The following MYO3B variants were observed in gnomAD, a reference collection of about 807,000 sequenced individuals.
MYO3B encodes myosin-IIIb.
MYO3B carries 156 observed loss-of-function variants against 174.6 expected under a neutral mutation model. The observed-to-expected ratio is 0.89, with a 90% CI of 0.78 to 1.02. The LOEUF is 1.02. Among genes scored for constraint, MYO3B ranks in the 50% least tolerant of loss-of-function variants. The pLI is 0.00. For missense variants in MYO3B, 1,632 were observed against 1,639.4 expected (o/e 1.00, Z 0.08); for synonymous variants, 563 against 569.1 (o/e 0.99, Z 0.15).
chr2:170,619,130 C>A (rs538739615), intron 32 of MYO3B, among the ~76,000 whole-genome samples: 59 of 152,316 alleles, frequency 3.9e-4, no homozygotes, highest in East Asian at 1.4e-3. Context: ...GAGGGCGTTT[C>A]TAGCCCTATC....
intron 7 of MYO3B, among the ~76,000 whole-genome samples, chr2:170,326,867 A>G (rs2093872208): frequency 6.6e-6 from 1 of 152,222 alleles, no homozygotes; most frequent in Admixed American, 6.5e-5. Flanking sequence ...TATGGGAAAC[A>G]TGTAATCTTC....
chr2:170,494,727 CAAAAAAAA>C (rs3066990), intron 25 of MYO3B, among the ~76,000 whole-genome samples: 3 of 92,038 alleles, frequency 3.3e-5, no homozygotes, highest in African/African-American at 8.1e-5. Flanking sequence ...AACTGCGTCT[CAAAAAAAA>C]AAAAAAAAAA....
chr2:170,335,313 TA>T, intron 7 of MYO3B, 71 bp from the exon 8 acceptor site: 1 of 1,156,458 alleles, frequency 8.6e-7, no homozygotes, highest in Non-Finnish European at 1.3e-6. Context: ...ATGATATCAA[TA>T]AAAACAAGTT....
At chr2:170,397,733 A>G (rs2094449466) in intron 16 of MYO3B, among the ~76,000 whole-genome samples, 2 of 152,262 alleles carry the variant, frequency 1.3e-5, no homozygotes, top group South Asian at 4.1e-4. Flanking sequence ...AGTTAGCATC[A>G]GATCCCACAA....
At chr2:170,440,041 T>G (rs762251757) in intron 22 of MYO3B, among the ~76,000 whole-genome samples, 2 of 152,250 alleles carry the variant, frequency 1.3e-5, no homozygotes, top group Non-Finnish European at 2.9e-5. Flanking sequence ...GTGTATGGTA[T>G]AAGGTAACAG....
At chr2:170,446,651 T>C (rs1216514980) in intron 23 of MYO3B, among the ~76,000 whole-genome samples, 1 of 152,176 alleles carries the variant, frequency 6.6e-6, no homozygotes, top group Non-Finnish European at 1.5e-5. Flanking sequence ...CCAGTTACTA[T>C]CTGACTTATC....
intron 32 of MYO3B, among the ~76,000 whole-genome samples, chr2:170,563,165 G>A: frequency 6.7e-6 from 1 of 148,286 alleles, no homozygotes; most frequent in African/African-American, 2.5e-5. Context: ...CACACCCCAA[G>A]AATCAAACAG....
At chr2:170,294,974 A>T (rs919738260) in intron 7 of MYO3B, among the ~76,000 whole-genome samples, 2 of 151,518 alleles carry the variant, frequency 1.3e-5, no homozygotes, top group Non-Finnish European at 2.9e-5. Flanking sequence ...CATAATTCTC[A>T]CCATGCTGAT....
chr2:170,540,608 T>G (rs1575137478), intron 30 of MYO3B, among the ~76,000 whole-genome samples: 1 of 151,410 alleles, frequency 6.6e-6, no homozygotes, highest in Non-Finnish European at 1.5e-5. Flanking sequence ...ATTTTGGTAG[T>G]GACGGATTGC....
At chr2:170,453,274 G>A (rs150132243) in intron 23 of MYO3B, among the ~76,000 whole-genome samples, 4 of 152,038 alleles carry the variant, frequency 2.6e-5, no homozygotes, top group African/African-American at 7.2e-5. Flanking sequence ...TGGCACTGCC[G>A]CTCCATTACA....
At chr2:170,589,094 A>G (rs1183279293) in intron 32 of MYO3B, among the ~76,000 whole-genome samples, 4 of 152,186 alleles carry the variant, frequency 2.6e-5, no homozygotes, top group Non-Finnish European at 5.9e-5. Flanking sequence ...AGGCAAGAGA[A>G]AAGGAAACTA....
chr2:170,606,604 C>T lies in MYO3B; in HGVS notation c.3734-45024C>T, dbSNP rs148495159. On this transcript the variant is annotated intron_variant, in intron 32 of 34. Transcript: ENST00000408978. ...TATGGGTCATGTCTGTCTTGCCCAC[C>T]TAATACATTCCTAGAAAGTGACACA... Among the ~76,000 whole-genome samples the T allele has an allele frequency of 6.5e-3, 987 of 152,312 alleles. 6 individuals carry two copies. The highest frequency in any genetic ancestry group is 0.031 in the Middle Eastern group (9 of 294).
At chr2:170,214,877 AGGGGACAATTTATTGCAAT>A in intron 5 of MYO3B, 49 bp downstream of exon 5, 2 of 1,393,736 alleles carry the variant, frequency 1.4e-6, no homozygotes, top group Non-Finnish European at 2.0e-6. Context: ...GTTTAGCCAA[AGGGGACAATTTATTGCAAT>A]CTCAGAAGAC....
At chr2:170,256,037 T>G (rs553931573) in intron 7 of MYO3B, among the ~76,000 whole-genome samples, 1 of 152,284 alleles carries the variant, frequency 6.6e-6, no homozygotes, top group South Asian at 2.1e-4. Flanking sequence ...AGCTGAGAAT[T>G]TCAGAGCTTG....
chr2:170,461,589 A>G (rs938256682), intron 23 of MYO3B, among the ~76,000 whole-genome samples: 1 of 151,590 alleles, frequency 6.6e-6, no homozygotes, highest in Non-Finnish European at 1.5e-5. Context: ...CAGCCTGGCC[A>G]ACATGGTAAA....
At chr2:170,333,759 CT>C (rs2093928005) in intron 7 of MYO3B, among the ~76,000 whole-genome samples, 1 of 152,262 alleles carries the variant, frequency 6.6e-6, no homozygotes, top group Admixed American at 6.5e-5. Flanking sequence ...TCTATAAAGT[CT>C]TTTGAGACTC....
chr2:170,193,259 C>G (rs1419285554), intron 1 of MYO3B, among the ~76,000 whole-genome samples: 1 of 151,928 alleles, frequency 6.6e-6, no homozygotes, highest in African/African-American at 2.4e-5. Flanking sequence ...GTATCTGGTG[C>G]CTAGTAATTG....
At chr2:170,348,902 G>C (rs1336989284) in intron 8 of MYO3B, among the ~76,000 whole-genome samples, 1 of 152,138 alleles carries the variant, frequency 6.6e-6, no homozygotes, top group Non-Finnish European at 1.5e-5. Context: ...TCTTATAGGG[G>C]CCAAGTGTTT....
chr2:170,523,102 C>CTCTTCATATTTTGCCTGGTGT lies in MYO3B; in HGVS notation c.3575+3564_3575+3584dup, dbSNP rs1413303633. On this transcript the variant is annotated intron_variant, in intron 30 of 34. Transcript: ENST00000408978. ...CTTTGGTGTTTCAATCTCTCTGGTG[C>CTCTTCATATTTTGCCTGGTGT]TCTTCATATTTTGCCTGGTGTTATG... 4.6e-5 allele frequency among the ~76,000 whole-genome samples: 7 copies of CTCTTCATATTTTGCCTGGTGT among 152,182 alleles called. No homozygotes were observed. The East Asian group carries it at 1.3e-3, about 29-fold the overall frequency.
Sources: gnomAD v4.1 joint callset for allele counts (sites outside exome capture counted in the v4.1 genomes callset) on GRCh38, gnomAD v4.1.1 for gene constraint, MANE v1.5 for transcripts, NCBI Gene and HGNC (gene_info 2026-07-23, HGNC 2026-07-21) for gene names.